GANAB: variants seen among roughly 807,000 people sequenced by gnomAD.
GANAB encodes glucosidase II alpha subunit, also known as neutral alpha-glucosidase AB.
In GANAB, 35 loss-of-function variants were observed where a neutral mutation model predicts 129.9. The ratio of observed to expected loss-of-function variants is 0.27; its 90% CI spans 0.21 to 0.36. GANAB has a LOEUF of 0.36. Ranked by LOEUF, GANAB falls within the 10% of genes least tolerant of loss-of-function variation. The probability of loss-of-function intolerance (pLI) is 1.00; values close to 1 mark genes in which losing one functional copy is unlikely to be tolerated. For missense variants in GANAB, 939 were observed against 1,221.0 expected (o/e 0.77, Z 3.44); for synonymous variants, 482 against 451.8 (o/e 1.07, Z -0.85).
At chr11:62,646,454 A>T in intron 1 of GANAB, 108 bp downstream of exon 1, 1 of 1,302,878 alleles carries the variant, frequency 7.7e-7, no homozygotes, top group Non-Finnish European at 1.1e-6. Context: ...AAGGTTCCTC[A>T]CGAGGCCGGG....
At chr11:62,627,990 A>G (rs772445398) in intron 17 of GANAB, among the ~76,000 whole-genome samples, 76 of 152,306 alleles carry the variant, frequency 5.0e-4, no homozygotes, top group Non-Finnish European at 8.4e-4. Context: ...GCCCTCCAGG[A>G]GCAGATCACA....
intron 12 of GANAB, 36 bp downstream of exon 12, chr11:62,630,343 G>T: frequency 6.2e-7 from 1 of 1,613,834 alleles, no homozygotes; most frequent in Non-Finnish European, 8.5e-7. Flanking sequence ...TACCCCGCTG[G>T]CCAATCAACT....
At chr11:62,638,935 GA>G in intron 4 of GANAB, 47 bp downstream of exon 4, 1 of 1,597,702 alleles carries the variant, frequency 6.3e-7, no homozygotes, top group Non-Finnish European at 8.6e-7. Context: ...GGTTCATCAG[GA>G]AGGAGAAAGG....
intron 5 of GANAB, 43 bp from the exon 6 acceptor site, chr11:62,633,557 G>T (rs746182829): frequency 1.2e-5 from 19 of 1,548,840 alleles, no homozygotes; most frequent in Non-Finnish European, 1.7e-5. Flanking sequence ...AGAGGGGGCA[G>T]GGACGAGGGG....
chr11:62,626,988 G>A lies in GANAB; in HGVS notation c.2323-54C>T, dbSNP rs564051409. On this transcript the variant is annotated intron_variant, in intron 19 of 23. Transcript: ENST00000356638. ...GGATCACTCAGTGCACAGGGGTCCC[G>A]TCCTGTTTGCCTCCTTTGGCTTCCA... 211 of 1,570,802 alleles carry A rather than the reference G, an allele frequency of 1.3e-4. 2 individuals carry two copies. In the South Asian group the frequency reaches 1.8e-3, roughly 13 times the overall value.
rs1943619728 is a variant in GANAB at position 62,630,511 on chromosome 11, G to A, written c.1387-6C>T. The A allele has an allele frequency of 1.9e-6, 3 of 1,614,058 alleles. No individual in the cohort carries two copies. Among genetic ancestry groups the A allele is most frequent in the Admixed American group, 1.7e-5 (1 of 60,014 alleles). On this transcript the variant is annotated splice_region_variant and splice_polypyrimidine_tract_variant and intron_variant, in intron 11 of 23. Coordinates refer to ENST00000356638, the MANE Select transcript of GANAB (RefSeq NM_198334.3). ...GGGTCTACGATGGCCACCAGCTGGG[G>A]GCAAGGAACAGGGGTGTTCAGGTCT...
chr11:62,643,213 T>G (rs1944340873), intron 1 of GANAB, among the ~76,000 whole-genome samples: 2 of 152,238 alleles, frequency 1.3e-5, no homozygotes, highest in Admixed American at 1.3e-4. Context: ...TTTTAATGTC[T>G]GTTAAGAATC....
chr11:62,639,008 A>C lies in GANAB; in HGVS notation c.355T>G (p.Leu119Val). The C allele has an allele frequency of 6.2e-7, 1 of 1,614,122 alleles. No homozygotes were observed. The highest frequency in any genetic ancestry group is 8.5e-7 in the Non-Finnish European group (1 of 1,179,978). ...RRPRYRVPDV[L>V]VADPPIARLS... Reference sequence around the variant, plus strand: ...CGGGCTATTGGTGGATCAGCCACCAAAACATCTGGTACACGGTATCGGGGT... The same window carrying C: ...CGGGCTATTGGTGGATCAGCCACCACAACATCTGGTACACGGTATCGGGGT... Residue 119 changes from leucine to valine, a missense_variant, in exon 4 of 24, where the codon TTG becomes GTG. This residue lies in a region of GANAB where 321 missense variants were observed against 329.1 expected (regional missense o/e 0.98). Transcript: ENST00000356638.
At chr11:62,629,396 G>A (rs919865392) in intron 15 of GANAB, 101 bp from the exon 16 acceptor site, 1 of 910,668 alleles carries the variant, frequency 1.1e-6, no homozygotes, top group Middle Eastern at 2.3e-4. Context: ...GAACCCTGCT[G>A]AAGATGCAGT....
chr11:62,626,944 AC>A lies in GANAB; in HGVS notation c.2323-11del, dbSNP rs748719281. ...GAATGTCATACCACACCTGTGAGTG[AC>A]AAAAGAGGTAAGATACCGGATCACT... On this transcript the variant is annotated splice_polypyrimidine_tract_variant and intron_variant, in intron 19 of 23. Coordinates refer to ENST00000356638, the MANE Select transcript of GANAB (RefSeq NM_198334.3). 1.6e-5 allele frequency: 26 copies of A among 1,607,798 alleles called. No homozygotes were observed. The Admixed American group carries it at 4.3e-4, about 27-fold the overall frequency.
intron 4 of GANAB, 93 bp downstream of exon 4, chr11:62,638,878 GTTAACTACTACC>G: frequency 1.1e-5 from 12 of 1,129,406 alleles, no homozygotes; most frequent in Non-Finnish European, 1.4e-5. Context: ...TGCTATGCTA[GTTAACTACTACC>G]TTATTTTGGG....
chr11:62,627,477 A>C (rs971806785), intron 17 of GANAB, 124 bp from the exon 18 acceptor site: 3 of 641,796 alleles, frequency 4.7e-6, no homozygotes, highest in Non-Finnish European at 5.6e-6. Flanking sequence ...CACACCTGTA[A>C]TCCCAACACT....
intron 14 of GANAB, 43 bp from the exon 15 acceptor site, chr11:62,629,727 AGCTGTCAT>A (rs761623163): frequency 6.2e-7 from 1 of 1,604,182 alleles, no homozygotes; most frequent in South Asian, 1.1e-5. Context: ...AGCAAAAGCC[AGCTGTCAT>A]CTGGTGCAAG....
chr11:62,644,559 T>G (rs375737502), intron 1 of GANAB, among the ~76,000 whole-genome samples: 27 of 152,098 alleles, frequency 1.8e-4, no homozygotes, highest in African/African-American at 6.0e-4. Context: ...AGTTTGAGGC[T>G]GCATGAGCTA....
chr11:62,642,002 C>T (rs1256549144), intron 1 of GANAB, among the ~76,000 whole-genome samples: 4 of 151,494 alleles, frequency 2.6e-5, no homozygotes, highest in African/African-American at 9.7e-5. Flanking sequence ...CGAGACCAGG[C>T]TGGCAAAGAG....
chr11:62,625,992 AG>A, intron 23 of GANAB, 68 bp from the exon 24 acceptor site: 1 of 1,458,926 alleles, frequency 6.9e-7, no homozygotes, highest in Non-Finnish European at 9.6e-7. Flanking sequence ...ACGTTCCTAC[AG>A]GCAAGGGCAT....
chr11:62,634,792 T>A lies in GANAB; in HGVS notation c.560+29A>T, dbSNP rs1590810331. 2.5e-6 allele frequency: 4 copies of A among 1,578,568 alleles called. 1 individual carries two copies. The highest frequency in any genetic ancestry group is 3.4e-4 in the Middle Eastern group (2 of 5,908). ...CACCCCTATGCTCTTTCACACTAGG[T>A]TCCCTGCAGTCCCAACCCCTGTACT... On this transcript the variant is annotated intron_variant, in intron 5 of 23. Transcript: ENST00000356638.
At chr11:62,632,840 G>T in intron 8 of GANAB, 95 bp from the exon 9 acceptor site, 1 of 1,097,604 alleles carries the variant, frequency 9.1e-7, no homozygotes, top group Non-Finnish European at 1.4e-6. Context: ...GATAAGCAAA[G>T]GCTCCTCTTG....
chr11:62,632,153 T>A (rs1943719234), intron 9 of GANAB, among the ~76,000 whole-genome samples: 1 of 151,672 alleles, frequency 6.6e-6, no homozygotes, highest in Non-Finnish European at 1.5e-5. Context: ...TTTGTTTTTC[T>A]AGTAGAGATG....
Sources: allele counts gnomAD v4.1 joint callset (sites outside exome capture counted in the v4.1 genomes callset), GRCh38; gene constraint gnomAD v4.1.1; regional missense constraint gnomAD v4.1.1; transcripts MANE v1.5; gene names NCBI Gene and HGNC (gene_info 2026-07-23, HGNC 2026-07-21).